OR9Q1: variants seen among roughly 807,000 people sequenced by gnomAD.
The protein encoded by OR9Q1 is olfactory receptor family 9 subfamily Q member 1.
For synonymous variants in OR9Q1, 153 were observed against 148.6 expected (o/e 1.03, Z -0.22); for missense variants, 374 against 378.8 (o/e 0.99, Z 0.11).
intron 2 of OR9Q1, among the ~76,000 whole-genome samples, chr11:58,169,089 T>G (rs1854531645): frequency 6.6e-6 from 1 of 152,186 alleles, no homozygotes; most frequent in Non-Finnish European, 1.5e-5. Flanking sequence ...AAATTCTAAA[T>G]GCAAAATAAT....
intron 2 of OR9Q1, among the ~76,000 whole-genome samples, chr11:58,136,132 A>G (rs1425288325): frequency 6.6e-6 from 1 of 152,174 alleles, no homozygotes; most frequent in African/African-American, 2.4e-5. Context: ...TAGCTTTTGG[A>G]TAACCTACCA....
chr11:58,084,558 C>G (rs564895661), intron 2 of OR9Q1, among the ~76,000 whole-genome samples: 1 of 151,842 alleles, frequency 6.6e-6, no homozygotes, highest in Non-Finnish European at 1.5e-5. Flanking sequence ...TACTAGCAAA[C>G]TGAATTCAGC....
At chr11:58,159,994 C>T (rs561938302) in intron 2 of OR9Q1, among the ~76,000 whole-genome samples, 12 of 152,334 alleles carry the variant, frequency 7.9e-5, no homozygotes, top group African/African-American at 2.4e-4. Flanking sequence ...TGCTCTGTGA[C>T]TGCTGAGGCT....
At chr11:58,113,792 C>T (rs1258818351) in intron 2 of OR9Q1, among the ~76,000 whole-genome samples, 1 of 152,138 alleles carries the variant, frequency 6.6e-6, no homozygotes, top group African/African-American at 2.4e-5. Context: ...AATAACTTAT[C>T]TAAAAGGTCA....
At chr11:58,143,884 A>AG (rs1174013556) in intron 2 of OR9Q1, among the ~76,000 whole-genome samples, 4 of 152,156 alleles carry the variant, frequency 2.6e-5, no homozygotes, top group Admixed American at 2.6e-4. Flanking sequence ...AAAAATAAAA[A>AG]CAATATGTGC....
chr11:58,165,776 T>A (rs536773210), intron 2 of OR9Q1, among the ~76,000 whole-genome samples: 12 of 152,298 alleles, frequency 7.9e-5, no homozygotes, highest in Non-Finnish European at 1.3e-4. Flanking sequence ...AGGCACTGGA[T>A]TGAGTAATAC....
At chr11:58,095,980 A>G (rs1853727317) in intron 2 of OR9Q1, among the ~76,000 whole-genome samples, 1 of 152,198 alleles carries the variant, frequency 6.6e-6, no homozygotes, top group African/African-American at 2.4e-5. Context: ...GAAAGTTACA[A>G]AACTAATAAT....
chr11:58,086,761 A>C (rs1296062866), intron 2 of OR9Q1, among the ~76,000 whole-genome samples: 3 of 151,928 alleles, frequency 2.0e-5, no homozygotes, highest in Non-Finnish European at 4.4e-5. Flanking sequence ...TAGGCACAGA[A>C]ACAAAAATAC....
At chr11:58,102,354 C>G (rs1326077149) in intron 2 of OR9Q1, among the ~76,000 whole-genome samples, 2 of 151,940 alleles carry the variant, frequency 1.3e-5, no homozygotes, top group Non-Finnish European at 2.9e-5. Flanking sequence ...TCCTTCTGCT[C>G]TTTCTGTGAG....
At chr11:58,146,190 A>G (rs573102606) in intron 2 of OR9Q1, among the ~76,000 whole-genome samples, 1 of 152,302 alleles carries the variant, frequency 6.6e-6, no homozygotes, top group East Asian at 1.9e-4. Context: ...TTATTTCTGA[A>G]GCATTGTTCA....
chr11:58,111,595 A>C (rs1022007298), intron 2 of OR9Q1, among the ~76,000 whole-genome samples: 2 of 152,292 alleles, frequency 1.3e-5, no homozygotes, highest in South Asian at 4.2e-4. Flanking sequence ...TGGCCAGTAC[A>C]TAAATTAGAA....
intron 2 of OR9Q1, among the ~76,000 whole-genome samples, chr11:58,107,322 C>T (rs535085968): frequency 1.3e-5 from 2 of 152,116 alleles, no homozygotes; most frequent in Non-Finnish European, 2.9e-5. Context: ...TCCAAGTGTT[C>T]TTATTGTTCA....
At chr11:58,127,277 T>C (rs915520079) in intron 2 of OR9Q1, among the ~76,000 whole-genome samples, 1 of 152,092 alleles carries the variant, frequency 6.6e-6, no homozygotes, top group Non-Finnish European at 1.5e-5. Flanking sequence ...TTTGGACTTT[T>C]GGGAAGAGAT....
intron 2 of OR9Q1, chr11:58,060,031 AGGAGACTTGCTG>A (rs1853365315): frequency 6.6e-6 from 1 of 152,378 alleles, no homozygotes; most frequent in South Asian, 2.1e-4. Context: ...GCCTTCTGGT[AGGAGACTTGCTG>A]GGAGACTTGG....
chr11:58,159,258 A>G (rs1854436180), intron 2 of OR9Q1, among the ~76,000 whole-genome samples: 1 of 152,234 alleles, frequency 6.6e-6, no homozygotes, highest in Non-Finnish European at 1.5e-5. Flanking sequence ...ACCTGTTATT[A>G]TCTGAGACTC....
chr11:58,141,698 G>T (rs1163002395), intron 2 of OR9Q1, among the ~76,000 whole-genome samples: 1 of 152,066 alleles, frequency 6.6e-6, no homozygotes, highest in African/African-American at 2.4e-5. Flanking sequence ...AGATGTTGAC[G>T]CTGAGACTTG....
chr11:58,057,115 T>C (rs1394400003), intron 2 of OR9Q1, among the ~76,000 whole-genome samples: 1 of 149,394 alleles, frequency 6.7e-6, no homozygotes, highest in Non-Finnish European at 1.5e-5. Flanking sequence ...TGCCTCAGCC[T>C]CCTGAGTAGC....
chr11:58,075,260 G>C (rs1290700473), intron 2 of OR9Q1: 1 of 152,144 alleles, frequency 6.6e-6, no homozygotes, highest in Non-Finnish European at 1.5e-5. Flanking sequence ...TTTTCCATTT[G>C]TTTGTGTCCT....
intron 2 of OR9Q1, among the ~76,000 whole-genome samples, chr11:58,143,405 T>C (rs1325473573): frequency 6.6e-6 from 1 of 152,226 alleles, no homozygotes; most frequent in Non-Finnish European, 1.5e-5. Context: ...TTCAACAAAG[T>C]GCTTTTTTCC....
Sources: allele counts gnomAD v4.1 joint callset (sites outside exome capture counted in the v4.1 genomes callset), GRCh38; gene constraint gnomAD v4.1.1; transcripts MANE v1.5; gene names NCBI Gene and HGNC (gene_info 2026-07-23, HGNC 2026-07-21).